The following ATP11B variants were observed in gnomAD, a reference collection of about 807,000 sequenced individuals.
ATP11B encodes phospholipid-transporting ATPase IF.
Under a neutral mutation model 157.8 loss-of-function variants are expected in ATP11B, and 81 were observed. That is an observed-to-expected ratio of 0.51 (90% CI 0.43 to 0.62). The LOEUF is 0.62. Among genes scored for constraint, ATP11B ranks in the 20% least tolerant of loss-of-function variants. The probability of loss-of-function intolerance (pLI) is 0.00; values close to 1 mark genes in which losing one functional copy is unlikely to be tolerated. For missense variants in ATP11B, 1,165 were observed against 1,402.2 expected (o/e 0.83, Z 2.70); for synonymous variants, 451 against 469.4 (o/e 0.96, Z 0.51).
At chr3:182,914,757 C>T (rs1725030674) in intron 29 of ATP11B, 1 of 985,120 alleles carries the variant, frequency 1.0e-6, no homozygotes, top group Non-Finnish European at 1.2e-6. Flanking sequence ...TTCATTTAAA[C>T]TTGCAATGGA....
intron 26 of ATP11B, 132 bp downstream of exon 26, chr3:182,896,897 T>C: frequency 1.5e-6 from 1 of 670,950 alleles, no homozygotes; most frequent in Non-Finnish European, 2.6e-6. Flanking sequence ...CACTGGTTAC[T>C]ATTTTAATAG....
At position 182,919,433 on chromosome 3, in the gene ATP11B, A is replaced by AAGTGC. The variant is rs1345200203; in HGVS notation, c.*1330_*1331insGTGCA. 6.6e-6 allele frequency: 1 copy of AAGTGC among 152,664 alleles called. No homozygotes were observed. The highest frequency in any genetic ancestry group is 1.5e-5 in the Non-Finnish European group (1 of 68,036). 9.5% of individuals were successfully genotyped at this position (152,664 alleles called of 1,614,324 possible). A position where few individuals can be genotyped will look rare whatever the true frequency, so the allele number is the denominator to read the frequency against. ...ACTTCAAAACCTAACTTCCATCCTG[A>AAGTGC]ATTTATCAAGTAGTTCAGTATTGTC... On this transcript the variant is annotated 3_prime_UTR_variant, in exon 30 of 30. Coordinates refer to ENST00000323116, the MANE Select transcript of ATP11B (RefSeq NM_014616.3).
At chr3:182,860,177 A>T (rs1720728291) in intron 12 of ATP11B, among the ~76,000 whole-genome samples, 1 of 152,088 alleles carries the variant, frequency 6.6e-6, no homozygotes, top group Non-Finnish European at 1.5e-5. Context: ...TCTTCTAATA[A>T]CTTCCTGAGA....
chr3:182,831,066 ATTTATG>A (rs1718098915), intron 4 of ATP11B, among the ~76,000 whole-genome samples: 1 of 152,284 alleles, frequency 6.6e-6, no homozygotes, highest in South Asian at 2.1e-4. Flanking sequence ...TGGTTCCCAA[ATTTATG>A]TTTATCCTGA....
rs1348929512 is a variant in ATP11B, at chr3:182,865,643, C to A, written c.1388C>A (p.Ser463Tyr). The A allele has an allele frequency of 6.2e-7, 1 of 1,613,312 alleles. No homozygotes were observed. The highest frequency in any genetic ancestry group is 1.3e-5 in the African/African-American group (1 of 74,888). The change falls in exon 13 of 30, where the codon TCC becomes TAC. Residue 463 changes from serine (S) to tyrosine (Y), a missense_variant. This residue lies in a region of ATP11B where 737 missense variants were observed against 930.5 expected (regional missense o/e 0.79). Coordinates refer to ENST00000323116, the MANE Select transcript of ATP11B (RefSeq NM_014616.3). Reference protein sequence around the residue: ...LSSLSHLNNLSHLTTSSSFRT... With the variant: ...LSSLSHLNNLYHLTTSSSFRT... ...AGTTTATCCCATCTTAACAACTTATCCCATCTTACAACCAGTTCCTCTTTC... is the reference window on the plus strand; with the variant it reads ...AGTTTATCCCATCTTAACAACTTATACCATCTTACAACCAGTTCCTCTTTC...
chr3:182,830,990 A>G (rs140696044), intron 4 of ATP11B, among the ~76,000 whole-genome samples: 2 of 152,240 alleles, frequency 1.3e-5, no homozygotes, highest in African/African-American at 4.8e-5. Context: ...CCTCGTTTCT[A>G]TATATACTTT....
chr3:182,908,671 C>A (rs753628747), intron 28 of ATP11B, among the ~76,000 whole-genome samples: 8 of 152,138 alleles, frequency 5.3e-5, no homozygotes, highest in Admixed American at 1.3e-4. Context: ...TTTGGAGAAA[C>A]AGGCCTTGAG....
At chr3:182,870,800 C>T (rs1721601371) in intron 17 of ATP11B, among the ~76,000 whole-genome samples, 2 of 151,318 alleles carry the variant, frequency 1.3e-5, no homozygotes, top group Non-Finnish European at 2.9e-5. Context: ...GATGAAACCC[C>T]ACCAGTAGTC....
In ATP11B at chr3:182,867,389, T is replaced by C. The variant is rs766194727; in HGVS notation, c.1633T>C (p.Phe545Leu). ...TTTGATGTCTAGGATTGGTATTGTG[T>C]TTATTGGCAATTCTGAAGAAACTAT... ...VEAAARIGIV[F>L]IGNSEETMEV... Residue 545 changes from phenylalanine to leucine, a missense_variant, in exon 15 of 30, where the codon TTT becomes CTT. Transcript: ENST00000323116. 2 of 1,608,794 alleles carry C rather than the reference T, an allele frequency of 1.2e-6. No homozygotes were observed. Among genetic ancestry groups the C allele is most frequent in the Admixed American group, 3.3e-5 (2 of 59,976 alleles).
chr3:182,917,201 G>C, intron 29 of ATP11B: 1 of 985,314 alleles, frequency 1.0e-6, no homozygotes, highest in Non-Finnish European at 1.2e-6. Context: ...GGGAACCCTG[G>C]AAAAAGTTAC....
At chr3:182,908,174 A>G (rs1453149606) in intron 28 of ATP11B, among the ~76,000 whole-genome samples, 1 of 148,200 alleles carries the variant, frequency 6.7e-6, no homozygotes, top group East Asian at 2.0e-4. Flanking sequence ...CCGAATCAAT[A>G]TAATTCTCAT....
intron 7 of ATP11B, among the ~76,000 whole-genome samples, chr3:182,839,525 TA>T (rs1718829329): frequency 6.6e-6 from 1 of 152,188 alleles, no homozygotes; most frequent in African/African-American, 2.4e-5. Context: ...GGAGGAATTG[TA>T]GATCAAAATT....
Position 182,838,800 on chromosome 3 carries a change from T to TATAC in ATP11B, c.656+1627_656+1628insTACA, listed in dbSNP as rs141453930. ...GTGCTATATATTATATATATATATA[T>TATAC]ACACACACATATATTACATGTGAAA... is the stretch of plus-strand genomic sequence containing the variant. On this transcript the variant is annotated intron_variant, in intron 7 of 29. Transcript: ENST00000323116. Among the ~76,000 whole-genome samples, 307 of 150,858 alleles carry TATAC rather than the reference T, an allele frequency of 2.0e-3. 3 individuals carry two copies. Among genetic ancestry groups the TATAC allele is most frequent in the African/African-American group, 7.2e-3 (296 of 41,138 alleles).
At chr3:182,854,424 C>T (rs541055530) in intron 10 of ATP11B, among the ~76,000 whole-genome samples, 2 of 152,006 alleles carry the variant, frequency 1.3e-5, no homozygotes, top group African/African-American at 4.8e-5. Flanking sequence ...GAGATGAGAT[C>T]GTGCCATTGC....
At chr3:182,900,830 GAGCTC>G (rs1176789781) in intron 28 of ATP11B, among the ~76,000 whole-genome samples, 1 of 152,066 alleles carries the variant, frequency 6.6e-6, no homozygotes, top group Non-Finnish European at 1.5e-5. Context: ...TGGATGGCTT[GAGCTC>G]AGGAATTGGA....
intron 20 of ATP11B, among the ~76,000 whole-genome samples, chr3:182,880,007 T>C (rs751448734): frequency 2.6e-5 from 4 of 152,236 alleles, no homozygotes; most frequent in Non-Finnish European, 5.9e-5. Flanking sequence ...CCGTTTATTC[T>C]TGCATTCTCA....
At position 182,889,671 on chromosome 3, in the gene ATP11B, A is replaced by G. The variant is rs372676847; in HGVS notation, c.2982+123A>G. 6 of 910,514 alleles carry G rather than the reference A, an allele frequency of 6.6e-6. No homozygotes were observed. In the East Asian group the frequency reaches 1.6e-4, roughly 25 times the overall value. The allele number at this position is 910,514 out of a possible 1,614,324, so 56.4% of individuals were successfully genotyped here. A position where few individuals can be genotyped will look rare whatever the true frequency, so the allele number is the denominator to read the frequency against. Reference sequence around the variant, plus strand: ...TCAAGTATTAAAATGCAAATATAAAAAGGTTTAAATTTTGTGGTTAAATAA... The same window carrying G: ...TCAAGTATTAAAATGCAAATATAAAGAGGTTTAAATTTTGTGGTTAAATAA... On this transcript the variant is annotated intron_variant, in intron 25 of 29. Transcript: ENST00000323116.
chr3:182,884,971 T>G, intron 22 of ATP11B, 73 bp downstream of exon 22: 1 of 854,824 alleles, frequency 1.2e-6, no homozygotes, highest in Non-Finnish European at 1.7e-6. Flanking sequence ...TGTTATAACC[T>G]TATACATTTC....
intron 1 of ATP11B, among the ~76,000 whole-genome samples, chr3:182,815,766 G>A (rs1716933603): frequency 6.6e-6 from 1 of 152,118 alleles, no homozygotes; most frequent in Non-Finnish European, 1.5e-5. Flanking sequence ...TATTAAAGAA[G>A]TATGACTAAT....
Sources: allele counts gnomAD v4.1 joint callset (sites outside exome capture counted in the v4.1 genomes callset), GRCh38; gene constraint gnomAD v4.1.1; regional missense constraint gnomAD v4.1.1; transcripts MANE v1.5; gene names NCBI Gene and HGNC (gene_info 2026-07-23, HGNC 2026-07-21).